Variants in PTPRQ observed in about 807,000 individuals in gnomAD.
PTPRQ encodes the protein phosphatidylinositol phosphatase PTPRQ.
A neutral mutation model predicts 246.0 loss-of-function variants in PTPRQ; 199 were observed. The observed-to-expected ratio is 0.81, with a 90% confidence interval of 0.72 to 0.91. PTPRQ has a LOEUF of 0.91. PTPRQ is among the 40% of genes least tolerant of loss of function. The pLI, the probability that PTPRQ is intolerant of heterozygous loss-of-function variation, is 0.00. For missense variants in PTPRQ, 2,624 were observed against 2,528.4 expected (o/e 1.04, Z -0.81); for synonymous variants, 869 against 853.2 (o/e 1.02, Z -0.32).
chr12:80,654,693 C>CAAAAA lies in PTPRQ; in HGVS notation c.6115+1872_6115+1876dup, dbSNP rs57224729. Among the ~76,000 whole-genome samples the CAAAAA allele has an allele frequency of 1.1e-3, 126 of 112,076 alleles. 2 individuals are homozygous for CAAAAA. Among genetic ancestry groups the CAAAAA allele is most frequent in the South Asian group, 7.4e-3 (27 of 3,672 alleles). The allele number at this position is 112,076 out of a possible 152,430, so 73.5% of individuals were successfully genotyped here. ...TGAAACCCCATCTGTACTAAAAATCCAAAAAAAAAAAAAAAAATTAGCCGG... is the reference window on the plus strand; with the variant it reads ...TGAAACCCCATCTGTACTAAAAATCCAAAAAAAAAAAAAAAAAAAAAATTAGCCGG... On this transcript the variant is annotated intron_variant, in intron 38 of 44. Transcript: ENST00000644991.
Position 80,588,412 on chromosome 12 carries a change from C to T in PTPRQ, c.4569C>T (p.Gly1523=), listed in dbSNP as rs754141664. ...CTGCCAGCACCAATGCTGGCTATGG[C>T]AATGCTTCAAACTGGATTTCTACAA... The part of the protein sequence containing the change: ...QVAASTNAGY[G]NASNWISTKT... The change falls in exon 26 of 45, where the codon GGC becomes GGT. Residue 1523 remains glycine, a synonymous_variant. Transcript: ENST00000644991. 1 of 1,507,852 alleles carries T rather than the reference C, an allele frequency of 6.6e-7. No homozygotes were observed. Among genetic ancestry groups the T allele is most frequent in the South Asian group, 1.3e-5 (1 of 75,788 alleles). 93.4% of individuals were successfully genotyped at this position (1,507,852 alleles called of 1,614,324 possible).
intron 27 of PTPRQ, among the ~76,000 whole-genome samples, chr12:80,610,183 T>G (rs2121099174): frequency 6.6e-6 from 1 of 150,680 alleles, no homozygotes; most frequent in Non-Finnish European, 1.5e-5. Context: ...AGATGATTTT[T>G]GCTTATTTAT....
At chr12:80,567,484 A>G (rs1897013281) in intron 25 of PTPRQ, among the ~76,000 whole-genome samples, 1 of 152,198 alleles carries the variant, frequency 6.6e-6, no homozygotes, top group South Asian at 2.1e-4. Flanking sequence ...CATCCCCCAT[A>G]GAAAGTTCCC....
chr12:80,648,017 A>C (rs914504623), intron 35 of PTPRQ, among the ~76,000 whole-genome samples: 1 of 152,024 alleles, frequency 6.6e-6, no homozygotes, highest in African/African-American at 2.4e-5. Flanking sequence ...TGTTTTCTTC[A>C]TTGAATACAC....
At position 80,521,795 on chromosome 12, in the gene PTPRQ, G is replaced by A. The variant is rs539509221; in HGVS notation, c.2678+11352G>A. Among the ~76,000 whole-genome samples the A allele has an allele frequency of 2.0e-4, 30 of 152,240 alleles. No homozygotes were observed. The East Asian group carries it at 4.6e-3, about 24-fold the overall frequency. On this transcript the variant is annotated intron_variant, in intron 17 of 44. Transcript: ENST00000644991. ...GTAGTATAGTTTAAAGTCAGGTAGC[G>A]TGATGCCTCCAGCTTCATTCTTTTG...
chr12:80,625,793 G>C (rs530771059), intron 33 of PTPRQ, among the ~76,000 whole-genome samples: 1 of 151,964 alleles, frequency 6.6e-6, no homozygotes, highest in Admixed American at 6.6e-5. Flanking sequence ...ATTTGATTTC[G>C]TTTTTACTCA....
chr12:80,471,699 G>A (rs936028994), intron 7 of PTPRQ, among the ~76,000 whole-genome samples: 8 of 149,738 alleles, frequency 5.3e-5, no homozygotes, highest in Admixed American at 3.3e-4. Context: ...GGATGGTCTC[G>A]ATCTCCTGAC....
At chr12:80,613,873 C>G (rs1446237977) in intron 29 of PTPRQ, 37 bp downstream of exon 29, 9 of 1,461,242 alleles carry the variant, frequency 6.2e-6, no homozygotes, top group Non-Finnish European at 8.2e-6. Flanking sequence ...ACCCAAATGA[C>G]AATGTCAGTT....
chr12:80,525,654 G>C (rs201868730), intron 17 of PTPRQ, among the ~76,000 whole-genome samples: 17 of 147,382 alleles, frequency 1.2e-4, no homozygotes, highest in South Asian at 8.8e-4. Context: ...CTCTCTCTCT[G>C]TCTCTCTCTC....
At position 80,632,244 on chromosome 12, in the gene PTPRQ, T is replaced by A; in HGVS notation, c.5739T>A (p.Cys1913Ter). 3.2e-6 allele frequency: 5 copies of A among 1,551,488 alleles called. No homozygotes were observed. The highest frequency in any genetic ancestry group is 4.4e-6 in the Non-Finnish European group (5 of 1,146,890). ...TVEIILSVTL[C>*]ILSIILLGTA... ...AGATCATTCTTTCCGTCACTTTGTG[T>A]ATCCTTTCAATAATTCTCCTTGGAA... is the stretch of plus-strand genomic sequence containing the variant. Residue 1913 changes from cysteine to a stop codon, truncating the protein, a stop_gained, in exon 34 of 45, where the codon TGT becomes TGA. Coordinates refer to ENST00000644991, the MANE Select transcript of PTPRQ (RefSeq NM_001145026.2). LOFTEE classifies it high-confidence loss of function.
chr12:80,619,460 T>C lies in PTPRQ; in HGVS notation c.5307T>C (p.Ile1769=). The C allele has an allele frequency of 6.5e-7, 1 of 1,548,310 alleles. No homozygotes were observed. Among genetic ancestry groups the C allele is most frequent in the Non-Finnish European group, 8.7e-7 (1 of 1,144,840 alleles). Residue 1769 remains isoleucine (I), a synonymous_variant, in exon 31 of 45, where the codon ATT becomes ATC. Coordinates refer to ENST00000644991, the MANE Select transcript of PTPRQ (RefSeq NM_001145026.2). ...TGKLLVTSTT[I]TIRMPICYYS... ...AACTGCTTGTGACTTCAACAACAAT[T>C]ACAATCAGAATGCCAATATGTTACT...
Position 80,634,796 on chromosome 12 carries a change from G to A in PTPRQ, c.5787-149G>A, listed in dbSNP as rs748787220. ...GGAATTAAAACAAGAAAAAGAAGTC[G>A]AGTAGCTATAAATTTGCAACATATT... On this transcript the variant is annotated intron_variant, in intron 34 of 44. Transcript: ENST00000644991. 3.0e-4 allele frequency: 337 copies of A among 1,131,750 alleles called. 1 individual carries two copies. Among genetic ancestry groups the A allele is most frequent in the Non-Finnish European group, 3.8e-4 (324 of 843,136 alleles). The allele number at this position is 1,131,750 out of a possible 1,614,324, so 70.1% of individuals were successfully genotyped here.
chr12:80,610,205 G>T lies in PTPRQ; in HGVS notation c.4732-234G>T, dbSNP rs1453629995. 2.7e-5 allele frequency among the ~76,000 whole-genome samples: 4 copies of T among 150,430 alleles called. No homozygotes were observed. In the Admixed American group the frequency reaches 2.7e-4, roughly 10 times the overall value. On this transcript the variant is annotated intron_variant, in intron 27 of 44. Coordinates refer to ENST00000644991, the MANE Select transcript of PTPRQ (RefSeq NM_001145026.2). The stretch of plus-strand genomic sequence containing the variant: ...TTTTGCTTATTTATTTAATGGGTTG[G>T]TTAATCACGGTTGGCTGGTTTGTCT...
At chr12:80,552,331 C>T (rs1288786349) in intron 25 of PTPRQ, among the ~76,000 whole-genome samples, 1 of 151,800 alleles carries the variant, frequency 6.6e-6, no homozygotes. Context: ...TGGTCTAGCA[C>T]CAGGTATAAT....
chr12:80,572,743 A>T (rs1392770349), intron 25 of PTPRQ, among the ~76,000 whole-genome samples: 1 of 152,106 alleles, frequency 6.6e-6, no homozygotes, highest in African/African-American at 2.4e-5. Flanking sequence ...TTGCCACTTG[A>T]TTCTGAATTT....
chr12:80,471,483 TTTTTTTTTA>T (rs1893625248), intron 7 of PTPRQ, among the ~76,000 whole-genome samples: 1 of 40,020 alleles, frequency 2.5e-5, no homozygotes, highest in Admixed American at 2.4e-4. Context: ...CATTTTTTTT[TTTTTTTTTA>T]TTTGAGACAG....
chr12:80,660,050 C>G (rs11114551), intron 39 of PTPRQ, among the ~76,000 whole-genome samples: 11,792 of 152,016 alleles, frequency 0.078, 590 homozygotes, highest in Middle Eastern at 0.21. Context: ...ATCAATTTCC[C>G]CCTACCCCCA....
At position 80,542,182 on chromosome 12, in the gene PTPRQ, C is replaced by G; in HGVS notation, c.3539C>G (p.Ala1180Gly). The G allele has an allele frequency of 6.4e-7, 1 of 1,550,980 alleles. No homozygotes were observed. The highest frequency in any genetic ancestry group is 8.7e-7 in the Non-Finnish European group (1 of 1,146,598). ...GATCCCCCAGTAAAGCCAAATGGTGCAATAATAAGTTATGATTTAACTTTA... is the reference window on the plus strand; with the variant it reads ...GATCCCCCAGTAAAGCCAAATGGTGGAATAATAAGTTATGATTTAACTTTA... ...SWDPPVKPNG[A>G]IISYDLTLQG... Residue 1180 changes from alanine (A) to glycine (G), a missense_variant, in exon 22 of 45, where the codon GCA (alanine) becomes GGA (glycine). Physicochemically the swap from Ala to Gly is moderately conservative, Grantham distance 60 (BLOSUM62 0). Transcript: ENST00000644991.
chr12:80,479,236 A>G (rs1158720535), intron 8 of PTPRQ, among the ~76,000 whole-genome samples: 3 of 149,176 alleles, frequency 2.0e-5, no homozygotes, highest in Middle Eastern at 3.6e-3. Context: ...ATTCTTAAAG[A>G]AAAGAATTTT....
Sources: gnomAD v4.1 joint callset for allele counts (sites outside exome capture counted in the v4.1 genomes callset) on GRCh38, gnomAD v4.1.1 for gene constraint, MANE v1.5 for transcripts, NCBI Gene and HGNC (gene_info 2026-07-23, HGNC 2026-07-21) for gene names.